Variants in KIF1B observed in about 807,000 individuals in gnomAD.
KIF1B encodes kinesin family member 1B, also known as kinesin-like protein KIF1B.
Under a neutral mutation model 241.9 loss-of-function variants are expected in KIF1B, and 76 were observed. The observed-to-expected ratio is 0.31, with a 90% confidence interval of 0.26 to 0.38. The LOEUF is 0.38. Among genes scored for constraint, KIF1B ranks in the 10% least tolerant of loss-of-function variants. The pLI, the probability that KIF1B is intolerant of heterozygous loss-of-function variation, is 1.00. For synonymous variants in KIF1B, 750 were observed against 796.7 expected (o/e 0.94, Z 0.99); for missense variants, 1,622 against 2,271.4 (o/e 0.71, Z 5.81).
intron 22 of KIF1B, among the ~76,000 whole-genome samples, chr1:10,299,660 C>T (rs1650441925): frequency 6.6e-6 from 1 of 152,170 alleles, no homozygotes; most frequent in African/African-American, 2.4e-5. Context: ...AATTCAGGCT[C>T]ATGAGTTTTC....
Position 10,326,295 on chromosome 1 carries a change from G to C in KIF1B, c.2860G>C (p.Asp954His), listed in dbSNP as rs1413030056. Residue 954 changes from aspartate (D) to histidine (H), a missense_variant, in exon 27 of 49, where the codon GAT (aspartate) becomes CAT (histidine). This residue lies in a region of KIF1B where 803 missense variants were observed against 1,112.0 expected (regional missense o/e 0.72). Transcript: ENST00000676179. This position sits in a 1 kb window ranked among gnomAD's most constrained non-coding sequence, Gnocchi z 5.2. Reference protein sequence around the residue: ...GSDAGTEEGSDLFSDGHDPFY... With the variant: ...GSDAGTEEGSHLFSDGHDPFY... ...TGACGCAGGGACGGAGGAGGGATCA[G>C]ATCTCTTCAGTGACGGGCATGACCC... 5.0e-6 allele frequency: 8 copies of C among 1,614,110 alleles called. No homozygotes were observed. Among genetic ancestry groups the C allele is most frequent in the Non-Finnish European group, 6.8e-6 (8 of 1,180,060 alleles).
chr1:10,219,204 G>A (rs1461260090), intron 1 of KIF1B, among the ~76,000 whole-genome samples: 2 of 152,206 alleles, frequency 1.3e-5, no homozygotes, highest in African/African-American at 2.4e-5. Context: ...GCTCATGCCT[G>A]TAATCCCAGC....
At chr1:10,372,677 TGGCGC>T (rs1638776484) in intron 45 of KIF1B, among the ~76,000 whole-genome samples, 1 of 122,834 alleles carries the variant, frequency 8.1e-6, no homozygotes, top group South Asian at 3.1e-4. Context: ...TCACCCAAGC[TGGCGC>T]GCAGCGGCGC....
intron 43 of KIF1B, 99 bp from the exon 44 acceptor site, chr1:10,368,368 G>A: frequency 1.1e-6 from 1 of 917,630 alleles, no homozygotes. Context: ...CCCTCCCCGG[G>A]AACTCAGCCC....
intron 2 of KIF1B, among the ~76,000 whole-genome samples, chr1:10,236,129 G>A (rs374531572): frequency 5.6e-4 from 85 of 151,530 alleles, no homozygotes; most frequent in African/African-American, 1.8e-3. Context: ...AAAATTAGCC[G>A]GACGTGGTGA....
intron 7 of KIF1B, among the ~76,000 whole-genome samples, chr1:10,268,690 TG>T (rs141976265): frequency 0.017 from 2,541 of 151,764 alleles, 77 homozygotes; most frequent in African/African-American, 0.059. Context: ...GCAAATGATA[TG>T]TTTCATTCCT....
At chr1:10,325,012 A>G in intron 26 of KIF1B, 117 bp downstream of exon 26, 1 of 1,112,252 alleles carries the variant, frequency 9.0e-7, no homozygotes, top group South Asian at 1.3e-5. Context: ...AAAAGGCCTT[A>G]TCTATAATCT....
chr1:10,363,259 A>C (rs1317754305), intron 40 of KIF1B, 24 bp from the exon 41 acceptor site: 1 of 1,594,948 alleles, frequency 6.3e-7, no homozygotes, highest in Admixed American at 1.7e-5. Flanking sequence ...GAGATTAAAC[A>C]ATTGTTTTAT....
intron 20 of KIF1B, 34 bp downstream of exon 20, chr1:10,296,699 T>A (rs200888780): frequency 6.4e-7 from 1 of 1,573,440 alleles, no homozygotes; most frequent in Admixed American, 1.7e-5. Context: ...TCTTCAGCAA[T>A]GTGCACATGG....
In KIF1B at chr1:10,299,008, A is replaced by G. The variant is rs551763895; in HGVS notation, c.2115+1762A>G. ...ACATATACTAAAATTGGAACGATAC[A>G]GAGAAGATTAGCATGGCCCCTGCGC... is the stretch of plus-strand genomic sequence containing the variant. On this transcript the variant is annotated intron_variant, in intron 22 of 48. Transcript: ENST00000676179. 9 of 151,648 alleles carry G rather than the reference A, an allele frequency of 5.9e-5. 1 individual carries two copies. In the South Asian group the frequency reaches 1.5e-3, roughly 25 times the overall value. 9.4% of individuals were successfully genotyped at this position (151,648 alleles called of 1,614,324 possible). A position where few individuals can be genotyped will look rare whatever the true frequency, so the allele number is the denominator to read the frequency against.
chr1:10,368,594 G>A, intron 44 of KIF1B, 56 bp downstream of exon 44: 1 of 1,443,198 alleles, frequency 6.9e-7, no homozygotes, highest in South Asian at 1.1e-5. Context: ...TTTCTCCACA[G>A]CAGCCCAGAT....
At chr1:10,339,716 T>C in intron 31 of KIF1B, 53 bp from the exon 32 acceptor site, 1 of 1,472,852 alleles carries the variant, frequency 6.8e-7, no homozygotes, top group Non-Finnish European at 9.4e-7. Flanking sequence ...AAAGAGATTC[T>C]GATAAAACCG....
chr1:10,253,017 G>T (rs111914493), intron 2 of KIF1B, among the ~76,000 whole-genome samples: 1 of 152,248 alleles, frequency 6.6e-6, no homozygotes, highest in East Asian at 1.9e-4. Context: ...GAGCCACTGT[G>T]CCTGGCCAAT....
intron 36 of KIF1B, 50 bp from the exon 37 acceptor site, chr1:10,348,599 G>A (rs1461991980): frequency 2.2e-6 from 3 of 1,376,650 alleles, no homozygotes; most frequent in South Asian, 1.2e-5. Context: ...GTAGACGAGA[G>A]GAGATAATAG....
At chr1:10,324,927 A>T in intron 26 of KIF1B, 32 bp downstream of exon 26, 1 of 1,612,114 alleles carries the variant, frequency 6.2e-7, no homozygotes, top group South Asian at 1.1e-5. Flanking sequence ...GTCTTCTTTT[A>T]AAATAATGAT....
chr1:10,320,868 A>G (rs1010886171), intron 23 of KIF1B, among the ~76,000 whole-genome samples: 3 of 151,584 alleles, frequency 2.0e-5, no homozygotes, highest in Admixed American at 1.3e-4. Context: ...TGCCCAGCTA[A>G]TTTTGTGTTT....
intron 11 of KIF1B, among the ~76,000 whole-genome samples, chr1:10,276,051 A>T (rs1227576688): frequency 6.6e-6 from 1 of 151,778 alleles, no homozygotes; most frequent in Non-Finnish European, 1.5e-5. Flanking sequence ...GATTACAGAC[A>T]CACACCACCT....
At chr1:10,354,606 G>A (rs1327158225) in intron 38 of KIF1B, among the ~76,000 whole-genome samples, 1 of 152,080 alleles carries the variant, frequency 6.6e-6, no homozygotes, top group African/African-American at 2.4e-5. Context: ...AATTATTTAT[G>A]TTTTCATATT....
intron 44 of KIF1B, among the ~76,000 whole-genome samples, chr1:10,370,670 T>A (rs900289400): frequency 7.0e-6 from 1 of 142,650 alleles, no homozygotes. Flanking sequence ...ATAATAATAA[T>A]GACAACAATA....
Sources: allele counts gnomAD v4.1 joint callset (sites outside exome capture counted in the v4.1 genomes callset), GRCh38; gene constraint gnomAD v4.1.1; regional missense constraint gnomAD v4.1.1; non-coding constraint Gnocchi (gnomAD v3.1); transcripts MANE v1.5; gene names NCBI Gene and HGNC (gene_info 2026-07-23, HGNC 2026-07-21).